Variants in FOXN3 observed in about 807,000 individuals in gnomAD.
FOXN3 encodes the protein forkhead box protein N3.
Under a neutral mutation model 38.4 loss-of-function variants are expected in FOXN3, and 7 were observed. The observed-to-expected ratio is 0.18, with a 90% CI of 0.10 to 0.34. The LOEUF (loss-of-function observed/expected upper bound fraction) is 0.34. FOXN3 is among the 10% of genes least tolerant of loss of function. FOXN3 has a pLI of 1.00. For missense variants in FOXN3, 456 were observed against 613.4 expected (o/e 0.74, Z 2.71); for synonymous variants, 230 against 242.2 (o/e 0.95, Z 0.47).
intron 1 of FOXN3, among the ~76,000 whole-genome samples, chr14:89,516,126 A>G (rs1894195550): frequency 1.4e-5 from 2 of 140,680 alleles, no homozygotes; most frequent in African/African-American, 2.4e-5. Context: ...GGCAGCGTAC[A>G]CAGCATTATT....
intron 2 of FOXN3, among the ~76,000 whole-genome samples, chr14:89,411,411 T>C (rs1334472374): frequency 2.0e-5 from 3 of 152,246 alleles, no homozygotes; most frequent in African/African-American, 7.2e-5. Context: ...CATGTCTGTT[T>C]AGTCTGCGAG....
chr14:89,388,293 A>G (rs1174236688), intron 2 of FOXN3, among the ~76,000 whole-genome samples: 3 of 152,196 alleles, frequency 2.0e-5, no homozygotes, highest in Non-Finnish European at 2.9e-5. Flanking sequence ...AGGCCATCTG[A>G]GCAAAGGATA....
Position 89,326,122 on chromosome 14 carries a change from C to T in FOXN3, c.680+24550G>A, listed in dbSNP as rs992573854. Among the ~76,000 whole-genome samples the T allele has an allele frequency of 7.9e-5, 12 of 152,302 alleles. No individual in the cohort carries two copies. The South Asian group carries it at 1.0e-3, about 13-fold the overall frequency. On this transcript the variant is annotated intron_variant, in intron 3 of 5. Coordinates refer to ENST00000557258, the MANE Select transcript of FOXN3 (RefSeq NM_005197.4). ...AAACGTTTACTCAACAGCTACCAAG[C>T]GCCAGGCACTGTGTGGGCTCTGGAG...
chr14:89,164,494 G>A lies in FOXN3; in HGVS notation c.852-1525C>T, dbSNP rs997288088. On this transcript the variant is annotated intron_variant, in intron 5 of 5. Coordinates refer to ENST00000557258, the MANE Select transcript of FOXN3 (RefSeq NM_005197.4). The surrounding 1 kb of genome is among the most constrained non-coding windows in gnomAD (Gnocchi z 4.3). ...GTACTCTTACATCCCCTCCATAGAG[G>A]GCACTCCCCACCATCATTATGAACT... Among the ~76,000 whole-genome samples the A allele has an allele frequency of 6.6e-6, 1 of 152,082 alleles. No individual in the cohort carries two copies. The highest frequency in any genetic ancestry group is 1.5e-5 in the Non-Finnish European group (1 of 68,020).
intron 1 of FOXN3, among the ~76,000 whole-genome samples, chr14:89,462,007 T>C (rs1892859227): frequency 6.6e-6 from 1 of 152,216 alleles, no homozygotes; most frequent in South Asian, 2.1e-4. Context: ...TTTGTAAATA[T>C]CGACTTTTGC....
chr14:89,240,576 A>C (rs10137227), intron 4 of FOXN3, among the ~76,000 whole-genome samples: 6,036 of 152,306 alleles, frequency 0.04, 361 homozygotes, highest in African/African-American at 0.14. Context: ...CATGATAAAA[A>C]AAAGTCAGGA....
chr14:89,353,498 G>C (rs1486280169), intron 2 of FOXN3: 1 of 152,002 alleles, frequency 6.6e-6, no homozygotes, highest in Non-Finnish European at 1.5e-5. Context: ...AAATTCACTG[G>C]GAAGAGCTTT....
chr14:89,517,586 G>A (rs1894232890), intron 1 of FOXN3, among the ~76,000 whole-genome samples: 4 of 152,080 alleles, frequency 2.6e-5, no homozygotes, highest in Admixed American at 6.6e-5. Flanking sequence ...CAAGAGCACG[G>A]TCAAGAGGGA....
At chr14:89,364,320 GCTCT>G (rs1566969124) in intron 2 of FOXN3, 1 of 148,712 alleles carries the variant, frequency 6.7e-6, no homozygotes, top group Non-Finnish European at 1.5e-5. Context: ...GTCCAACCTT[GCTCT>G]CTAATAGTTT....
At position 89,351,043 on chromosome 14, in the gene FOXN3, CAAT is replaced by C. The variant is rs1361101621; in HGVS notation, c.544-238_544-236del. On this transcript the variant is annotated intron_variant, in intron 2 of 5. Coordinates refer to ENST00000557258, the MANE Select transcript of FOXN3 (RefSeq NM_005197.4). The stretch of plus-strand genomic sequence containing the variant: ...TTATTACCAGGTTATGGTGATACAA[CAAT>C]ATTACAATTTTCATACCCAAACTAC... The C allele has an allele frequency of 1.3e-5, 4 of 313,360 alleles. No homozygotes were observed. In the Admixed American group the frequency reaches 1.5e-4, roughly 12 times the overall value. 19.4% of individuals were successfully genotyped at this position (313,360 alleles called of 1,614,324 possible). A position where few individuals can be genotyped will look rare whatever the true frequency, so the allele number is the denominator to read the frequency against.
chr14:89,446,111 A>AAAAAAAAAAAAAT (rs1203799928), intron 1 of FOXN3, among the ~76,000 whole-genome samples: 45 of 142,848 alleles, frequency 3.2e-4, no homozygotes, highest in Non-Finnish European at 6.1e-4. Context: ...AAAAAAAAAA[A>AAAAAAAAAAAAAT]TTTTAAGGAA....
At chr14:89,419,536 T>C (rs992595017), upstream of FOXN3, 6 of 213,136 alleles carry the variant, frequency 2.8e-5, no homozygotes, top group East Asian at 7.8e-4. Context: ...GAATTGTATA[T>C]GTGCCCTAGA....
intron 5 of FOXN3, among the ~76,000 whole-genome samples, chr14:89,172,023 T>C (rs1887402896): frequency 6.6e-6 from 1 of 152,152 alleles, no homozygotes; most frequent in Admixed American, 6.5e-5. Flanking sequence ...TGGAAAAAAA[T>C]CAATAATGTG....
chr14:89,413,339 A>C (rs902961817), intron 1 of FOXN3, among the ~76,000 whole-genome samples: 7 of 152,052 alleles, frequency 4.6e-5, no homozygotes, highest in African/African-American at 1.5e-4. Flanking sequence ...TCTACCTAGA[A>C]AACAAATGAA....
At chr14:89,180,525 G>A (rs1234982670) in intron 5 of FOXN3, among the ~76,000 whole-genome samples, 176 bp downstream of exon 5, 1 of 152,150 alleles carries the variant, frequency 6.6e-6, no homozygotes, top group East Asian at 1.9e-4. Flanking sequence ...AAAGAGAAGG[G>A]GGCATTTGGA....
At chr14:89,480,884 G>A (rs1241784012) in intron 1 of FOXN3, among the ~76,000 whole-genome samples, 1 of 151,984 alleles carries the variant, frequency 6.6e-6, no homozygotes, top group African/African-American at 2.4e-5. Context: ...TTTATGGGGG[G>A]TTTCTTGAAG....
intron 4 of FOXN3, among the ~76,000 whole-genome samples, chr14:89,202,081 A>T (rs1596099699): frequency 6.6e-6 from 1 of 152,176 alleles, no homozygotes; most frequent in Non-Finnish European, 1.5e-5. Context: ...ACCACGCAGA[A>T]CCCTGCCATC....
At chr14:89,342,150 A>G (rs946257586) in intron 3 of FOXN3, among the ~76,000 whole-genome samples, 2 of 152,230 alleles carry the variant, frequency 1.3e-5, no homozygotes, top group Non-Finnish European at 2.9e-5. Context: ...CCAGGAGGTC[A>G]GAAGATAAAA....
intron 1 of FOXN3, among the ~76,000 whole-genome samples, chr14:89,458,394 T>C (rs533647734): frequency 6.6e-6 from 1 of 152,338 alleles, no homozygotes; most frequent in South Asian, 2.1e-4. Flanking sequence ...TTGTGTGTCC[T>C]GGACTCTCTG....
Sources: allele counts gnomAD v4.1 joint callset (sites outside exome capture counted in the v4.1 genomes callset), GRCh38; gene constraint gnomAD v4.1.1; non-coding constraint Gnocchi (gnomAD v3.1); transcripts MANE v1.5; gene names NCBI Gene and HGNC (gene_info 2026-07-23, HGNC 2026-07-21).